Variants in TTC7A observed in about 807,000 individuals in gnomAD.
The protein encoded by TTC7A is tetratricopeptide repeat domain 7A, also known as tetratricopeptide repeat protein 7A.
In TTC7A, 110 loss-of-function variants were observed where a neutral mutation model predicts 103.7. The ratio of observed to expected loss-of-function variants is 1.06; its 90% CI spans 0.91 to 1.24. The LOEUF is 1.24. Among genes scored for constraint, TTC7A ranks in the 50% most tolerant of loss-of-function variants. The pLI, the probability that TTC7A is intolerant of heterozygous loss-of-function variation, is 0.00. For missense variants in TTC7A, 1,340 were observed against 1,116.3 expected (o/e 1.20, Z -2.86); for synonymous variants, 521 against 467.9 (o/e 1.11, Z -1.47).
At chr2:46,977,102 G>A (rs537122622) in intron 4 of TTC7A, among the ~76,000 whole-genome samples, 1 of 152,322 alleles carries the variant, frequency 6.6e-6, no homozygotes, top group South Asian at 2.1e-4. Flanking sequence ...CCTAGGCTTT[G>A]GACTTTCAAA....
intron 3 of TTC7A, among the ~76,000 whole-genome samples, chr2:46,964,903 C>T (rs767005481): frequency 1.3e-5 from 2 of 152,164 alleles, no homozygotes; most frequent in African/African-American, 4.8e-5. Flanking sequence ...ACTGTGGCTC[C>T]ATGGATGGAG....
At chr2:47,010,898 C>T (rs1677973554) in intron 10 of TTC7A, among the ~76,000 whole-genome samples, 1 of 152,170 alleles carries the variant, frequency 6.6e-6, no homozygotes, top group Non-Finnish European at 1.5e-5. Flanking sequence ...CGGGGTTTCA[C>T]CAAGTTGGCC....
At chr2:46,985,224 T>C (rs1674893199) in intron 5 of TTC7A, among the ~76,000 whole-genome samples, 2 of 152,162 alleles carry the variant, frequency 1.3e-5, no homozygotes, top group Admixed American at 1.3e-4. Flanking sequence ...GCACATGTTT[T>C]GGTCCTTACA....
chr2:47,001,868 A>G (rs1382283739), intron 8 of TTC7A, among the ~76,000 whole-genome samples: 1 of 151,718 alleles, frequency 6.6e-6, no homozygotes, highest in Non-Finnish European at 1.5e-5. Flanking sequence ...TCAAAAAAAA[A>G]AAAAAAAAAA....
intron 5 of TTC7A, among the ~76,000 whole-genome samples, chr2:46,983,092 A>T (rs1348595237): frequency 6.6e-6 from 1 of 152,232 alleles, no homozygotes; most frequent in African/African-American, 2.4e-5. Context: ...CTGCTGGCCC[A>T]AATATGAGTC....
At chr2:47,060,718 G>T (rs748720391) in intron 18 of TTC7A, 51 bp from the exon 19 acceptor site, 5 of 1,523,678 alleles carry the variant, frequency 3.3e-6, no homozygotes, top group South Asian at 2.5e-5. Context: ...GGGTCAGGAT[G>T]CCTCTGACTC....
Position 46,950,425 on chromosome 2 carries a change from GC to G in TTC7A, c.249del (p.Ile85Ter). 1 of 1,614,176 alleles carries G rather than the reference GC, an allele frequency of 6.2e-7. No homozygotes were observed. The highest frequency in any genetic ancestry group is 8.5e-7 in the Non-Finnish European group (1 of 1,180,030). The stretch of plus-strand genomic sequence containing the variant: ...GGAGCAGTGTTTGAAGGAGAACCAT[GC>G]CAAAATAAAAGACTCCATGCCTTTG... Reference protein sequence around the residue: ...LLEQCLKENHAKIKDSMPLLE... With the variant: ...LLEQCLKENHXKIKDSMPLLE... On this transcript the variant is annotated frameshift_variant, in exon 2 of 20. Coordinates refer to ENST00000319190, the MANE Select transcript of TTC7A (RefSeq NM_020458.4). LOFTEE classifies it high-confidence loss of function.
intron 14 of TTC7A, among the ~76,000 whole-genome samples, chr2:47,026,880 G>A (rs1335030202): frequency 6.6e-6 from 1 of 152,182 alleles, no homozygotes; most frequent in African/African-American, 2.4e-5. Context: ...CTGGGAAGTG[G>A]CAGAGCCAGG....
chr2:46,987,359 C>T lies in TTC7A; in HGVS notation c.765-6091C>T, dbSNP rs369523641. Among the ~76,000 whole-genome samples, 5 of 152,266 alleles carry T rather than the reference C, an allele frequency of 3.3e-5. No individual in the cohort carries two copies. The South Asian group carries it at 8.3e-4, about 25-fold the overall frequency. On this transcript the variant is annotated intron_variant, in intron 5 of 19. Transcript: ENST00000319190. ...GAGCTTGGTTCTCTTTTGCATGAAA[C>T]AGCTCTAGGGGTGAAGCAGTGGGGG...
At chr2:47,015,138 C>T (rs921750644) in intron 11 of TTC7A, among the ~76,000 whole-genome samples, 1 of 152,236 alleles carries the variant, frequency 6.6e-6, no homozygotes, top group East Asian at 1.9e-4. Flanking sequence ...GACTCAGTGA[C>T]GCCAGCACTG....
At chr2:47,021,798 A>T in intron 11 of TTC7A, 64 bp from the exon 12 acceptor site, 2 of 1,275,114 alleles carry the variant, frequency 1.6e-6, no homozygotes, top group Non-Finnish European at 2.3e-6. Flanking sequence ...AGGTCCAGGG[A>T]GTCATTCACT....
At position 46,941,932 on chromosome 2, in the gene TTC7A, A is replaced by G. The variant is rs1345708743; in HGVS notation, c.184+207A>G. 3.1e-6 allele frequency: 2 copies of G among 643,540 alleles called. No individual in the cohort carries two copies. The highest frequency in any genetic ancestry group is 1.9e-5 in the South Asian group (1 of 51,288). 39.9% of individuals were successfully genotyped at this position (643,540 alleles called of 1,614,324 possible). On this transcript the variant is annotated intron_variant, in intron 1 of 19. Coordinates refer to ENST00000319190, the MANE Select transcript of TTC7A (RefSeq NM_020458.4). This position sits in a 1 kb window ranked among gnomAD's most constrained non-coding sequence, Gnocchi z 4.2. ...GTTTGGGGGCTTGGAGGGAAGAGAAACGGCTTTTGCTCTGTGTCCTTTAGG... is the reference window on the plus strand; with the variant it reads ...GTTTGGGGGCTTGGAGGGAAGAGAAGCGGCTTTTGCTCTGTGTCCTTTAGG...
chr2:46,924,118 C>T (rs1231110887), intron 2 of TTC7A, among the ~76,000 whole-genome samples: 4 of 151,594 alleles, frequency 2.6e-5, no homozygotes, highest in Non-Finnish European at 4.4e-5. Context: ...GTGAGAGGAT[C>T]GCCTGGGCCC....
intron 15 of TTC7A, among the ~76,000 whole-genome samples, chr2:47,030,510 T>C (rs1206587921): frequency 6.6e-6 from 1 of 152,144 alleles, no homozygotes; most frequent in Non-Finnish European, 1.5e-5. Context: ...ATGGCTTCCT[T>C]CTCCCCAAAG....
intron 19 of TTC7A, among the ~76,000 whole-genome samples, chr2:47,063,764 C>A (rs903229321): frequency 1.3e-5 from 2 of 152,240 alleles, no homozygotes; most frequent in African/African-American, 4.8e-5. Context: ...CACAGCCACC[C>A]ACAAGCCTGG....
intron 19 of TTC7A, among the ~76,000 whole-genome samples, chr2:47,062,096 G>A (rs1683830565): frequency 6.6e-6 from 1 of 152,254 alleles, no homozygotes; most frequent in Non-Finnish European, 1.5e-5. Context: ...TCCGTGAGGA[G>A]AAGCTACAGG....
chr2:46,999,618 C>A (rs1676584742), intron 8 of TTC7A: 2 of 985,276 alleles, frequency 2.0e-6, no homozygotes, highest in South Asian at 9.4e-5. Context: ...CCCTGGTCCC[C>A]AAATCAGAAG....
At chr2:47,031,768 A>T (rs763776232) in intron 15 of TTC7A, among the ~76,000 whole-genome samples, 13 of 152,180 alleles carry the variant, frequency 8.5e-5, no homozygotes, top group Non-Finnish European at 1.6e-4. Flanking sequence ...TTCTGAGCTG[A>T]TTGCTTTCTG....
At chr2:47,022,846 C>T (rs149875391) in intron 12 of TTC7A, among the ~76,000 whole-genome samples, 24 of 152,290 alleles carry the variant, frequency 1.6e-4, no homozygotes, top group African/African-American at 4.8e-4. Context: ...TCTAAGCTTT[C>T]GAATCCGGGG....
Sources: allele counts gnomAD v4.1 joint callset (sites outside exome capture counted in the v4.1 genomes callset), GRCh38; gene constraint gnomAD v4.1.1; non-coding constraint Gnocchi (gnomAD v3.1); transcripts MANE v1.5; gene names NCBI Gene and HGNC (gene_info 2026-07-23, HGNC 2026-07-21).